The following AGAP1 variants were observed in gnomAD, a reference collection of about 807,000 sequenced individuals.
The protein encoded by AGAP1 is ArfGAP with GTPase domain, ankyrin repeat and PH domain 1.
A neutral mutation model predicts 105.3 loss-of-function variants in AGAP1; 29 were observed. The observed-to-expected ratio is 0.28, with a 90% CI of 0.21 to 0.38. The LOEUF (loss-of-function observed/expected upper bound fraction) is 0.38, where lower values mean the gene tolerates loss of function less well. AGAP1 is among the 10% of genes least tolerant of loss of function. The pLI is 1.00. For missense variants in AGAP1, 998 were observed against 1,165.1 expected (o/e 0.86, Z 2.09); for synonymous variants, 509 against 485.9 (o/e 1.05, Z -0.63).
rs775339236 is a variant in AGAP1 at position 236,057,865 on chromosome 2, T to A, written c.2114+8584T>A. Reference sequence around the variant, plus strand: ...ATAATATTTATGAAGTTTCCTGGGCTTCCTTTTTATCCAGAAGATACAATC... The same window carrying A: ...ATAATATTTATGAAGTTTCCTGGGCATCCTTTTTATCCAGAAGATACAATC... On this transcript the variant is annotated intron_variant, in intron 16 of 17. Transcript: ENST00000304032. 6.6e-5 allele frequency among the ~76,000 whole-genome samples: 10 copies of A among 152,330 alleles called. No individual in the cohort carries two copies. In the East Asian group the frequency reaches 1.5e-3, roughly 24 times the overall value.
intron 12 of AGAP1, among the ~76,000 whole-genome samples, chr2:235,933,743 G>A (rs2125169108): frequency 6.6e-6 from 1 of 152,160 alleles, no homozygotes; most frequent in South Asian, 2.1e-4. Flanking sequence ...ATGTTGGCCG[G>A]GATGGTCTCA....
Position 235,759,412 on chromosome 2 carries a change from G to A in AGAP1, c.673+8924G>A, listed in dbSNP as rs547018598. ...TCTTGATCTCCTGACCTCGTGATCCGCCCGCCTTGGCCTCCCAAAGTGCTG... is the reference window on the plus strand; with the variant it reads ...TCTTGATCTCCTGACCTCGTGATCCACCCGCCTTGGCCTCCCAAAGTGCTG... On this transcript the variant is annotated intron_variant, in intron 6 of 17. Coordinates refer to ENST00000304032, the MANE Select transcript of AGAP1 (RefSeq NM_001037131.3). Among the ~76,000 whole-genome samples the A allele has an allele frequency of 2.9e-3, 447 of 151,830 alleles. 3 individuals are homozygous for A. Among genetic ancestry groups the A allele is most frequent in the Non-Finnish European group, 4.8e-3 (323 of 67,902 alleles).
At chr2:235,584,203 T>TG (rs1945026710) in intron 1 of AGAP1, among the ~76,000 whole-genome samples, 1 of 151,402 alleles carries the variant, frequency 6.6e-6, no homozygotes, top group Non-Finnish European at 1.5e-5. Flanking sequence ...CTTTTTTTTT[T>TG]TTTTTTGCAT....
At chr2:235,880,083 C>CT (rs35633339) in intron 9 of AGAP1, among the ~76,000 whole-genome samples, 7,015 of 138,814 alleles carry the variant, frequency 0.051, 428 homozygotes, top group African/African-American at 0.13. Context: ...GCACTCTGGC[C>CT]TTTTTTTTTT....
chr2:235,922,430 A>G (rs1286324304), intron 11 of AGAP1, among the ~76,000 whole-genome samples: 3 of 152,202 alleles, frequency 2.0e-5, no homozygotes, highest in Non-Finnish European at 4.4e-5. Flanking sequence ...TCCTCTTTTC[A>G]GGCTTACTTA....
At chr2:235,839,263 C>T (rs1475695009) in intron 9 of AGAP1, among the ~76,000 whole-genome samples, 1 of 152,220 alleles carries the variant, frequency 6.6e-6, no homozygotes, top group Non-Finnish European at 1.5e-5. Flanking sequence ...GATCCCAAAG[C>T]TGTTGGACCA....
At chr2:235,498,084 G>A (rs989813579) in intron 1 of AGAP1, among the ~76,000 whole-genome samples, 12 of 152,218 alleles carry the variant, frequency 7.9e-5, no homozygotes, top group Admixed American at 2.6e-4. Flanking sequence ...ATTTCAGAGC[G>A]CGTGGAGGTG....
intron 1 of AGAP1, among the ~76,000 whole-genome samples, chr2:235,613,061 T>C (rs1480176366): frequency 6.6e-6 from 1 of 151,594 alleles, no homozygotes; most frequent in Non-Finnish European, 1.5e-5. Context: ...GCTCACGCTG[T>C]CGCCCAGGCT....
chr2:235,849,618 C>T (rs987691569), intron 9 of AGAP1, among the ~76,000 whole-genome samples: 1 of 149,862 alleles, frequency 6.7e-6, no homozygotes, highest in African/African-American at 2.4e-5. Flanking sequence ...GCCTCTGCAG[C>T]CACGACTTCT....
chr2:235,534,308 A>G (rs889039197), intron 1 of AGAP1, among the ~76,000 whole-genome samples: 2 of 152,276 alleles, frequency 1.3e-5, no homozygotes, highest in South Asian at 4.1e-4. Context: ...CGTCACCTTC[A>G]CACAGTCCAT....
At chr2:235,727,433 G>A (rs1951703287) in intron 3 of AGAP1, among the ~76,000 whole-genome samples, 1 of 152,152 alleles carries the variant, frequency 6.6e-6, no homozygotes, top group Admixed American at 6.5e-5. Flanking sequence ...GGGTGCTAAA[G>A]GAGAAGCACC....
intron 1 of AGAP1, among the ~76,000 whole-genome samples, chr2:235,498,083 C>T (rs557623452): frequency 7.2e-5 from 11 of 152,166 alleles, no homozygotes; most frequent in East Asian, 1.9e-4. Flanking sequence ...TATTTCAGAG[C>T]GCGTGGAGGT....
At chr2:236,111,478 A>T (rs1340940733) in intron 16 of AGAP1, among the ~76,000 whole-genome samples, 1 of 148,236 alleles carries the variant, frequency 6.7e-6, no homozygotes, top group African/African-American at 2.6e-5. Flanking sequence ...CCTGGGCAGT[A>T]TAGCAAGACC....
intron 12 of AGAP1, among the ~76,000 whole-genome samples, chr2:235,952,355 TAAAA>T (rs541051208): frequency 4.0e-5 from 6 of 149,898 alleles, no homozygotes; most frequent in African/African-American, 1.5e-4. Flanking sequence ...ACATAGGTTT[TAAAA>T]AAAAAAATTT....
chr2:236,117,613 C>T (rs1003056706), intron 16 of AGAP1, among the ~76,000 whole-genome samples: 2 of 152,082 alleles, frequency 1.3e-5, no homozygotes, highest in Admixed American at 6.5e-5. Context: ...TCAATCGGAG[C>T]GGAATCAAAT....
At chr2:236,086,221 C>T (rs1342516333) in intron 16 of AGAP1, among the ~76,000 whole-genome samples, 2 of 152,136 alleles carry the variant, frequency 1.3e-5, no homozygotes, top group Admixed American at 6.5e-5. Flanking sequence ...TACATGACTG[C>T]GTAATTTTAT....
intron 3 of AGAP1, among the ~76,000 whole-genome samples, chr2:235,730,477 T>TAA (rs11388954): frequency 0.051 from 6,294 of 123,762 alleles, 357 homozygotes; most frequent in African/African-American, 0.14. Flanking sequence ...GTTTACCTTT[T>TAA]AAAAAAAAAA....
intron 12 of AGAP1, among the ~76,000 whole-genome samples, chr2:235,939,145 A>G (rs529599180): frequency 2.0e-5 from 3 of 152,164 alleles, no homozygotes; most frequent in Admixed American, 6.5e-5. Flanking sequence ...CAACTTTGAC[A>G]CCAAGTAGTA....
At chr2:235,782,333 C>G (rs746827504) in intron 6 of AGAP1, among the ~76,000 whole-genome samples, 19 of 151,816 alleles carry the variant, frequency 1.3e-4, no homozygotes, top group Non-Finnish European at 5.9e-5. Context: ...CCATCTTTCT[C>G]ATGTATATTA....
Sources: allele counts gnomAD v4.1 joint callset (sites outside exome capture counted in the v4.1 genomes callset), GRCh38; gene constraint gnomAD v4.1.1; transcripts MANE v1.5; gene names NCBI Gene and HGNC (gene_info 2026-07-23, HGNC 2026-07-21).